ARPC1B: variants seen among roughly 807,000 people sequenced by gnomAD.
ARPC1B encodes actin related protein 2/3 complex subunit 1B.
In ARPC1B, 29 loss-of-function variants were observed where a neutral mutation model predicts 46.0. The ratio of observed to expected loss-of-function variants is 0.63; its 90% CI spans 0.47 to 0.86. The LOEUF (loss-of-function observed/expected upper bound fraction) is 0.86. ARPC1B is among the 40% of genes least tolerant of loss of function. The pLI is 0.00. For synonymous variants in ARPC1B, 201 were observed against 213.9 expected (o/e 0.94, Z 0.53); for missense variants, 469 against 529.4 (o/e 0.89, Z 1.12).
rs560801292 is a variant in ARPC1B, at chr7:99,381,278, G to A, written c.-13-4424G>A. 5.3e-4 allele frequency among the ~76,000 whole-genome samples: 81 copies of A among 152,288 alleles called. 1 individual carries two copies. In the South Asian group the frequency reaches 0.012, roughly 22 times the overall value. On this transcript the variant is annotated intron_variant, in intron 1 of 9. Coordinates refer to ENST00000646101, the MANE Select transcript of ARPC1B (RefSeq NM_005720.4). ...GTGCTTGTGGACACAGTGCGCTTGC[G>A]TGTGTGCAAGGCTGAACATACATGT... is the stretch of plus-strand genomic sequence containing the variant.
chr7:99,376,695 AC>A (rs1346487283), intron 1 of ARPC1B: 2 of 151,942 alleles, frequency 1.3e-5, no homozygotes, highest in African/African-American at 4.8e-5. Flanking sequence ...ACGTGGTGAA[AC>A]CCCGTCACTA....
At chr7:99,375,506 G>A (rs1052176502) in intron 1 of ARPC1B, among the ~76,000 whole-genome samples, 13 of 152,166 alleles carry the variant, frequency 8.5e-5, no homozygotes, top group African/African-American at 2.9e-4. Flanking sequence ...TGGGAGAGCA[G>A]CCAGGCCGCC....
Position 99,394,591 on chromosome 7 carries a change from A to G in ARPC1B, c.*102A>G, listed in dbSNP as rs1562820458. 4 of 1,585,944 alleles carry G rather than the reference A, an allele frequency of 2.5e-6. No homozygotes were observed. The highest frequency in any genetic ancestry group is 3.4e-6 in the Non-Finnish European group (4 of 1,165,522). The stretch of plus-strand genomic sequence containing the variant: ...TGCTGAATGTTTCTGGGGTACCAAT[A>G]CGAGTTCCCATAGGGGCTGCTCCCT... On this transcript the variant is annotated 3_prime_UTR_variant, in exon 10 of 10. Coordinates refer to ENST00000646101, the MANE Select transcript of ARPC1B (RefSeq NM_005720.4).
rs561395721 is a variant in ARPC1B at position 99,391,934 on chromosome 7, C to T, written c.783+681C>T. The stretch of plus-strand genomic sequence containing the variant: ...GGGTGTGGTGGTGGGCGCCCATGGT[C>T]CCAGCTGCTCGGGAGGCTGAGGCAG... On this transcript the variant is annotated intron_variant, in intron 7 of 9. Coordinates refer to ENST00000646101, the MANE Select transcript of ARPC1B (RefSeq NM_005720.4). The T allele has an allele frequency of 2.6e-5, 4 of 152,090 alleles. No individual in the cohort carries two copies. The South Asian group carries it at 8.3e-4, about 32-fold the overall frequency. The allele number at this position is 152,090 out of a possible 1,614,324, so 9.4% of individuals were successfully genotyped here. A position where few individuals can be genotyped will look rare whatever the true frequency, so the allele number is the denominator to read the frequency against.
chr7:99,390,931 C>CGTGG lies in ARPC1B; in HGVS notation c.540_541insTGGG (p.Ala181TrpfsTer22). 2 of 1,612,424 alleles carry CGTGG rather than the reference C, an allele frequency of 1.2e-6. No individual in the cohort carries two copies. Among genetic ancestry groups the CGTGG allele is most frequent in the Non-Finnish European group, 1.7e-6 (2 of 1,178,938 alleles). ...TACATCAAGGAGGTGGAGGAACGGC[C>CGTGG]GGCACCCACCCCGTGGGGCTCCAAG... On this transcript the variant is annotated frameshift_variant, in exon 6 of 10. Coordinates refer to ENST00000646101, the MANE Select transcript of ARPC1B (RefSeq NM_005720.4). LOFTEE classifies it high-confidence loss of function.
intron 1 of ARPC1B, among the ~76,000 whole-genome samples, chr7:99,385,321 G>A (rs556828067): frequency 7.0e-6 from 1 of 143,570 alleles, no homozygotes; most frequent in South Asian, 2.2e-4. Flanking sequence ...GGGGGGGGTC[G>A]TCCATCCTAT....
Position 99,386,746 on chromosome 7 carries a change from G to A in ARPC1B, c.126G>A (p.Trp42Ter). 6.2e-7 allele frequency: 1 copy of A among 1,614,148 alleles called. No homozygotes were observed. Among genetic ancestry groups the A allele is most frequent in the Non-Finnish European group, 8.5e-7 (1 of 1,180,020 alleles). ...VHIYEKSGAK[W>*]TKVHELKEHN... ...TCTATGAAAAGAGCGGTGCCAAATG[G>A]ACCAAGGTGCACGAGCTCAAGGAGC... Residue 42 changes from tryptophan to a stop codon, truncating the protein, a stop_gained, in exon 3 of 10, where the codon TGG becomes TGA. Transcript: ENST00000646101. LOFTEE classifies it high-confidence loss of function.
intron 2 of ARPC1B, 133 bp from the exon 3 acceptor site, chr7:99,386,552 C>T (rs939040927): frequency 1.1e-5 from 9 of 813,578 alleles, no homozygotes; most frequent in Non-Finnish European, 2.0e-5. Context: ...CTTCAGGGGG[C>T]CCCTGCAAGG....
At position 99,394,775 on chromosome 7, in the gene ARPC1B, TG is replaced by T; in HGVS notation, c.*287del. 8.7e-7 allele frequency: 1 copy of T among 1,146,062 alleles called. No homozygotes were observed. The highest frequency in any genetic ancestry group is 1.1e-6 in the Non-Finnish European group (1 of 946,880). The allele number at this position is 1,146,062 out of a possible 1,614,324, so 71.0% of individuals were successfully genotyped here. A position where few individuals can be genotyped will look rare whatever the true frequency, so the allele number is the denominator to read the frequency against. On this transcript the variant is annotated 3_prime_UTR_variant, in exon 10 of 10. Transcript: ENST00000646101. ...AAATGTGGAGGTAATAAAATGCAAC[TG>T]TGTAAAAAAAAAAAAAAAAAAAAAA...
At chr7:99,378,407 G>A (rs999590526) in intron 1 of ARPC1B, among the ~76,000 whole-genome samples, 5 of 151,834 alleles carry the variant, frequency 3.3e-5, no homozygotes, top group Non-Finnish European at 7.4e-5. Flanking sequence ...GGGGCCAGGC[G>A]TGGTGGCTCA....
Position 99,382,113 on chromosome 7 carries a change from G to A in ARPC1B, c.-13-3589G>A, listed in dbSNP as rs369031568. Among the ~76,000 whole-genome samples the A allele has an allele frequency of 7.9e-5, 12 of 152,286 alleles. No homozygotes were observed. The South Asian group carries it at 2.5e-3, about 32-fold the overall frequency. ...CAGCCAGGCCTCCCTGAAAGTCCAG[G>A]GCTGGTGGGAGTGTTGAAGTCAAGA... On this transcript the variant is annotated intron_variant, in intron 1 of 9. Transcript: ENST00000646101.
At position 99,394,244 on chromosome 7, in the gene ARPC1B, G is replaced by A. The variant is rs1794689320; in HGVS notation, c.1080+125G>A. On this transcript the variant is annotated intron_variant, in intron 9 of 9. Coordinates refer to ENST00000646101, the MANE Select transcript of ARPC1B (RefSeq NM_005720.4). The stretch of plus-strand genomic sequence containing the variant: ...GAGATGGCACTGCATGGGGATGAGG[G>A]GTGGGGGCGGCCCCTTGACATCTGG... 4 of 1,212,016 alleles carry A rather than the reference G, an allele frequency of 3.3e-6. No homozygotes were observed. The Admixed American group carries it at 5.8e-5, about 18-fold the overall frequency. The allele number at this position is 1,212,016 out of a possible 1,614,324, so 75.1% of individuals were successfully genotyped here.
Position 99,384,954 on chromosome 7 carries a change from A to ATTTTTT in ARPC1B, c.-13-724_-13-719dup, listed in dbSNP as rs753952597. 3.6e-4 allele frequency among the ~76,000 whole-genome samples: 24 copies of ATTTTTT among 67,418 alleles called. 5 individuals are homozygous for ATTTTTT. Among genetic ancestry groups the ATTTTTT allele is most frequent in the African/African-American group, 1.7e-3 (22 of 13,308 alleles). The allele number at this position is 67,418 out of a possible 152,430, so 44.2% of individuals were successfully genotyped here. On this transcript the variant is annotated intron_variant, in intron 1 of 9. Coordinates refer to ENST00000646101, the MANE Select transcript of ARPC1B (RefSeq NM_005720.4). ...AGGCAGGTGCCACCACACCTGGCTA[A>ATTTTTT]TTTTTTTTTTTTTTTTTTTTTTTTT...
intron 6 of ARPC1B, 31 bp from the exon 7 acceptor site, chr7:99,391,147 G>C: frequency 6.2e-7 from 1 of 1,613,600 alleles, no homozygotes; most frequent in African/African-American, 1.3e-5. Context: ...AGAGGAGTGG[G>C]ACACCGTGAC....
Position 99,394,636 on chromosome 7 carries a change from T to G in ARPC1B, c.*147T>G. Reference sequence around the variant, plus strand: ...CTCCCTCAAAAAGGGAGGGGACAGATGGGGAGCTTTTCTTACCTATTCAAG... The same window carrying G: ...CTCCCTCAAAAAGGGAGGGGACAGAGGGGGAGCTTTTCTTACCTATTCAAG... On this transcript the variant is annotated 3_prime_UTR_variant, in exon 10 of 10. Coordinates refer to ENST00000646101, the MANE Select transcript of ARPC1B (RefSeq NM_005720.4). 6.9e-7 allele frequency: 1 copy of G among 1,454,656 alleles called. No individual in the cohort carries two copies. 90.1% of individuals were successfully genotyped at this position (1,454,656 alleles called of 1,614,324 possible). A position where few individuals can be genotyped will look rare whatever the true frequency, so the allele number is the denominator to read the frequency against.
intron 4 of ARPC1B, 55 bp downstream of exon 4, chr7:99,388,316 A>G (rs758143386): frequency 3.8e-6 from 6 of 1,560,162 alleles, no homozygotes; most frequent in Non-Finnish European, 5.3e-6. Flanking sequence ...GCAGGACTAG[A>G]GTGTCCCCGG....
intron 7 of ARPC1B, 52 bp from the exon 8 acceptor site, chr7:99,392,619 C>T: frequency 3.5e-6 from 5 of 1,417,678 alleles, no homozygotes; most frequent in Non-Finnish European, 2.8e-6. Flanking sequence ...GCCTTCCCTC[C>T]GGCCTCGGTT....
intron 1 of ARPC1B, among the ~76,000 whole-genome samples, chr7:99,375,432 C>T (rs149395298): frequency 6.6e-6 from 1 of 152,296 alleles, no homozygotes; most frequent in Non-Finnish European, 1.5e-5. Context: ...CGGAACGCAC[C>T]CCCTCAGCTG....
At chr7:99,393,574 G>T (rs11974593) in intron 8 of ARPC1B, among the ~76,000 whole-genome samples, 30,801 of 151,962 alleles carry the variant, frequency 0.2, 6,428 homozygotes, top group African/African-American at 0.54. Context: ...CCCAAAAGCT[G>T]CCAGCCACAC....
Sources: gnomAD v4.1 joint callset for allele counts (sites outside exome capture counted in the v4.1 genomes callset) on GRCh38, gnomAD v4.1.1 for gene constraint, MANE v1.5 for transcripts, NCBI Gene and HGNC (gene_info 2026-07-23, HGNC 2026-07-21) for gene names.